Variants in TUT7 observed in about 807,000 individuals in gnomAD.
TUT7 encodes terminal uridylyltransferase 7.
In TUT7, 33 loss-of-function variants were observed where a neutral mutation model predicts 165.9. That is an observed-to-expected ratio of 0.20 (90% confidence interval 0.15 to 0.27). The LOEUF is 0.27. TUT7 is among the 10% of genes least tolerant of loss of function. The probability of loss-of-function intolerance (pLI) is 1.00; values close to 1 mark genes in which losing one functional copy is unlikely to be tolerated. For synonymous variants in TUT7, 552 were observed against 608.1 expected, an observed-to-expected ratio of 0.91 and a Z score of 1.36; for missense variants, 1,338 against 1,762.3, an observed-to-expected ratio of 0.76 and a Z score of 4.31.
At chr9:86,337,927 G>A (rs1257133748) in intron 9 of TUT7, among the ~76,000 whole-genome samples, 6 of 152,114 alleles carry the variant, frequency 3.9e-5, no homozygotes, top group East Asian at 1.9e-4. Flanking sequence ...AACCCATAGC[G>A]TCTTGCATAT....
rs533493200 is a variant in TUT7, at chr9:86,332,618, A to G, written c.1456-4126T>C. Reference sequence around the variant, plus strand: ...GGGTACTACGCTTAGTACCTGGGTGATAAAATAATCTGTCCAATAAACCCG... The same window carrying G: ...GGGTACTACGCTTAGTACCTGGGTGGTAAAATAATCTGTCCAATAAACCCG... On this transcript the variant is annotated intron_variant, in intron 10 of 26. Coordinates refer to ENST00000375963, the MANE Select transcript of TUT7 (RefSeq NM_024617.4). 3.2e-4 allele frequency among the ~76,000 whole-genome samples: 48 copies of G among 152,302 alleles called. No individual in the cohort carries two copies. In the Middle Eastern group the frequency reaches 0.02, roughly 65 times the overall value.
At chr9:86,344,846 C>T (rs1831619985) in intron 5 of TUT7, 131 bp downstream of exon 5, 3 of 943,140 alleles carry the variant, frequency 3.2e-6, no homozygotes, top group Non-Finnish European at 4.6e-6. Flanking sequence ...AAACAAAAAA[C>T]AAAAAAATAG....
At chr9:86,306,760 T>C (rs1401553066) in intron 22 of TUT7, among the ~76,000 whole-genome samples, 1 of 152,010 alleles carries the variant, frequency 6.6e-6, no homozygotes, top group Non-Finnish European at 1.5e-5. Flanking sequence ...AATCGCACCA[T>C]TACACTCCAG....
At chr9:86,306,329 A>T (rs1412829748) in intron 22 of TUT7, among the ~76,000 whole-genome samples, 1 of 152,218 alleles carries the variant, frequency 6.6e-6, no homozygotes, top group Non-Finnish European at 1.5e-5. Context: ...GATTGAGACT[A>T]TCAGTTTATC....
At chr9:86,309,159 T>C (rs1827792903) in intron 21 of TUT7, 53 bp downstream of exon 21, 3 of 1,094,830 alleles carry the variant, frequency 2.7e-6, no homozygotes, top group South Asian at 2.6e-5. Context: ...CACTGTAGTA[T>C]AGCTAATTTT....
At chr9:86,305,351 A>G in intron 22 of TUT7, 112 bp from the exon 23 acceptor site, 1 of 716,324 alleles carries the variant, frequency 1.4e-6, no homozygotes, top group Non-Finnish European at 2.2e-6. Flanking sequence ...TTTGCTTATC[A>G]TTAATAAGTT....
intron 13 of TUT7, 151 bp from the exon 14 acceptor site, chr9:86,322,626 T>C: frequency 1.9e-6 from 2 of 1,056,132 alleles, no homozygotes; most frequent in Non-Finnish European, 2.7e-6. Context: ...ATCTGAGAGA[T>C]GGGGACATCC....
chr9:86,344,948 T>G (rs1831629138), intron 5 of TUT7, 29 bp downstream of exon 5: 1 of 1,582,404 alleles, frequency 6.3e-7, no homozygotes, highest in Admixed American at 1.8e-5. Flanking sequence ...TTTTAGGTAG[T>G]TAAATAGAAA....
intron 6 of TUT7, among the ~76,000 whole-genome samples, chr9:86,341,312 T>C (rs1055010657): frequency 6.6e-6 from 1 of 152,206 alleles, no homozygotes; most frequent in African/African-American, 2.4e-5. Flanking sequence ...TTAACCTGCC[T>C]CTCAGCAAGT....
At position 86,322,350 on chromosome 9, in the gene TUT7, T is replaced by C. The variant is rs2131432594; in HGVS notation, c.3003A>G (p.Leu1001=). ...PPLTPKFLNI[L]DQVCIQCYKD... ...TATAACACTGGATACAGACTTGATC[T>C]AAGATATTTAAAAACTTGGGTGTTA... The change falls in exon 14 of 27, where the codon TTA becomes TTG. Residue 1001 remains leucine, a synonymous_variant. Coordinates refer to ENST00000375963, the MANE Select transcript of TUT7 (RefSeq NM_024617.4). 6.2e-7 allele frequency: 1 copy of C among 1,614,020 alleles called. No homozygotes were observed. The highest frequency in any genetic ancestry group is 8.5e-7 in the Non-Finnish European group (1 of 1,179,898).
At chr9:86,328,069 T>C (rs2030302373) in intron 11 of TUT7, among the ~76,000 whole-genome samples, 1 of 152,152 alleles carries the variant, frequency 6.6e-6, no homozygotes, top group African/African-American at 2.4e-5. Context: ...AAGACTAAGC[T>C]CTTTGAGGAT....
intron 26 of TUT7, among the ~76,000 whole-genome samples, chr9:86,295,545 T>C (rs1309521542): frequency 6.6e-6 from 1 of 152,194 alleles, no homozygotes; most frequent in East Asian, 1.9e-4. Flanking sequence ...AACAATGGTA[T>C]ATTAATACAC....
chr9:86,345,093 G>T lies in TUT7; in HGVS notation c.881C>A (p.Ala294Glu). 6.2e-7 allele frequency: 1 copy of T among 1,613,740 alleles called. No homozygotes were observed. Among genetic ancestry groups the T allele is most frequent in the Non-Finnish European group, 8.5e-7 (1 of 1,179,830 alleles). The change falls in exon 5 of 27, where the codon GCA becomes GAA. Residue 294 changes from alanine (A) to glutamate (E), a missense_variant. Physicochemically the swap from Ala to Glu is moderately radical, Grantham distance 107. Coordinates refer to ENST00000375963, the MANE Select transcript of TUT7 (RefSeq NM_024617.4). ...LPPPTPSQINAVGIAIDKVVQ... is the reference protein window; with the variant it reads ...LPPPTPSQINEVGIAIDKVVQ... ...CACTTTGTCAATGGCAATGCCAACTGCATTTATCTGGGAGGGTGTTGGTGG... is the reference window on the plus strand; with the variant it reads ...CACTTTGTCAATGGCAATGCCAACTTCATTTATCTGGGAGGGTGTTGGTGG...
intron 10 of TUT7, among the ~76,000 whole-genome samples, chr9:86,333,710 A>G (rs944092550): frequency 1.3e-5 from 2 of 152,202 alleles, no homozygotes; most frequent in Admixed American, 6.6e-5. Flanking sequence ...GTCATATCCA[A>G]CTTAAGTTCT....
At chr9:86,304,802 C>A in intron 24 of TUT7, 54 bp downstream of exon 24, 1 of 1,241,432 alleles carries the variant, frequency 8.1e-7, no homozygotes, top group South Asian at 1.3e-5. Flanking sequence ...GTGATGTGTA[C>A]AAATTAGGCA....
intron 26 of TUT7, among the ~76,000 whole-genome samples, chr9:86,297,251 C>T (rs1379368126): frequency 6.6e-6 from 1 of 152,176 alleles, no homozygotes. Context: ...CACCACGAAC[C>T]TTTTCCCTTT....
intron 1 of TUT7, 101 bp from the exon 2 acceptor site, chr9:86,353,331 G>T: frequency 1.1e-6 from 1 of 897,042 alleles, no homozygotes; most frequent in Non-Finnish European, 1.6e-6. Flanking sequence ...AAGCCTGTAA[G>T]AAAGAAACTC....
intron 17 of TUT7, among the ~76,000 whole-genome samples, chr9:86,313,708 A>G (rs1828442418): frequency 6.6e-6 from 1 of 152,238 alleles, no homozygotes; most frequent in Admixed American, 6.5e-5. Flanking sequence ...CAATATCAAC[A>G]ACCATGAAAA....
intron 10 of TUT7, among the ~76,000 whole-genome samples, chr9:86,336,485 G>C (rs1014197093): frequency 6.6e-6 from 1 of 152,120 alleles, no homozygotes; most frequent in African/African-American, 2.4e-5. Context: ...TTCTACTTCA[G>C]TCTTTATTCC....
Sources: gnomAD v4.1 joint callset for allele counts (sites outside exome capture counted in the v4.1 genomes callset) on GRCh38, gnomAD v4.1.1 for gene constraint, MANE v1.5 for transcripts, NCBI Gene and HGNC (gene_info 2026-07-23, HGNC 2026-07-21) for gene names.